OTP: variants seen among roughly 807,000 people sequenced by gnomAD.
The protein encoded by OTP is homeobox protein orthopedia.
In OTP, 5 loss-of-function variants were observed where a neutral mutation model predicts 22.3. The observed-to-expected ratio is 0.22, with a 90% CI of 0.12 to 0.47. The LOEUF is 0.47. OTP is among the 20% of genes least tolerant of loss of function. The pLI is 0.99. For synonymous variants in OTP, 229 were observed against 210.6 expected (o/e 1.09, Z -0.76); for missense variants, 428 against 456.2 (o/e 0.94, Z 0.56).
rs2112365531 is a variant in OTP at position 77,630,192 on chromosome 5, T to C, written c.*72A>G. 9.5e-7 allele frequency: 1 copy of C among 1,055,686 alleles called. No individual in the cohort carries two copies. The highest frequency in any genetic ancestry group is 3.4e-5 in the East Asian group (1 of 29,492). 65.4% of individuals were successfully genotyped at this position (1,055,686 alleles called of 1,614,324 possible). A position where few individuals can be genotyped will look rare whatever the true frequency, so the allele number is the denominator to read the frequency against. On this transcript the variant is annotated 3_prime_UTR_variant, in exon 3 of 3. Transcript: ENST00000306422. ...ACGGGGCAGGGCGCCGGGGTCCGGG[T>C]GCGCGCCGGAAGGGCCTCGGGGCGG...
chr5:77,638,607 T>C lies in OTP; in HGVS notation c.-58A>G, dbSNP rs1745049470. ...CCCAAATTTTAGCGGCTTTAAGTTA[T>C]TTAAAATAGATATAAGCTATAAGCT... On this transcript the variant is annotated 5_prime_UTR_variant, in exon 1 of 3. Coordinates refer to ENST00000306422, the MANE Select transcript of OTP (RefSeq NM_032109.3). The C allele has an allele frequency of 6.9e-7, 1 of 1,456,448 alleles. No individual in the cohort carries two copies. Among genetic ancestry groups the C allele is most frequent in the South Asian group, 1.3e-5 (1 of 74,446 alleles). The allele number at this position is 1,456,448 out of a possible 1,614,324, so 90.2% of individuals were successfully genotyped here. A position where few individuals can be genotyped will look rare whatever the true frequency, so the allele number is the denominator to read the frequency against.
chr5:77,637,239 G>A lies in OTP; in HGVS notation c.38-9C>T. ...GGCGGCATCTTTCATACCTGAGGAG[G>A]CAAGGGGATCGCGGTCACTACTTTC... On this transcript the variant is annotated splice_polypyrimidine_tract_variant and intron_variant, in intron 1 of 2. Coordinates refer to ENST00000306422, the MANE Select transcript of OTP (RefSeq NM_032109.3). 1 of 1,483,398 alleles carries A rather than the reference G, an allele frequency of 6.7e-7. No individual in the cohort carries two copies. Among genetic ancestry groups the A allele is most frequent in the Non-Finnish European group, 9.0e-7 (1 of 1,117,190 alleles). The allele number at this position is 1,483,398 out of a possible 1,614,324, so 91.9% of individuals were successfully genotyped here.
chr5:77,634,824 A>G (rs58453344), intron 2 of OTP, among the ~76,000 whole-genome samples: 2,086 of 152,332 alleles, frequency 0.014, 42 homozygotes, highest in African/African-American at 0.047. Context: ...TTGCCATTCT[A>G]TTAAATTGTG....
At position 77,630,090 on chromosome 5, in the gene OTP, C is replaced by T; in HGVS notation, c.*174G>A. The T allele has an allele frequency of 3.3e-6, 1 of 306,442 alleles. No homozygotes were observed. Among genetic ancestry groups the T allele is most frequent in the Non-Finnish European group, 5.7e-6 (1 of 174,622 alleles). The allele number at this position is 306,442 out of a possible 1,614,324, so 19.0% of individuals were successfully genotyped here. A position where few individuals can be genotyped will look rare whatever the true frequency, so the allele number is the denominator to read the frequency against. On this transcript the variant is annotated 3_prime_UTR_variant, in exon 3 of 3. Coordinates refer to ENST00000306422, the MANE Select transcript of OTP (RefSeq NM_032109.3). ...TCAGGCGGAGGGGAGGCCTCGCGGGCTGGGGCTTGGGGTGAGCCCGAGCGA... is the reference window on the plus strand; with the variant it reads ...TCAGGCGGAGGGGAGGCCTCGCGGGTTGGGGCTTGGGGTGAGCCCGAGCGA...
intron 2 of OTP, among the ~76,000 whole-genome samples, chr5:77,632,512 G>A (rs1240032320): frequency 1.3e-5 from 2 of 151,964 alleles, no homozygotes; most frequent in African/African-American, 4.8e-5. Flanking sequence ...AGTATCAGGG[G>A]TATGGACATA....
intron 2 of OTP, among the ~76,000 whole-genome samples, chr5:77,632,247 C>G (rs561361180): frequency 3.9e-5 from 6 of 152,120 alleles, no homozygotes; most frequent in Non-Finnish European, 2.9e-5. Flanking sequence ...ACTCCCATCT[C>G]CCCCTATTTG....
In OTP at chr5:77,637,058, C is replaced by A. The variant is rs141172285; in HGVS notation, c.210G>T (p.Pro70=). ...CTTTGGCGCTCACCGCCAGCGAGGC[C>A]GGAGTAGAGCCCACTGTGGTGATGT... is the stretch of plus-strand genomic sequence containing the variant. The part of the protein sequence containing the change: ...GEDITTVGST[P]ASLAVSAKDP... The change falls in exon 2 of 3, where the codon CCG becomes CCT. Residue 70 remains proline (P), a synonymous_variant. Transcript: ENST00000306422. The A allele has an allele frequency of 2.3e-5, 37 of 1,613,018 alleles. No homozygotes were observed. In the African/African-American group the frequency reaches 4.4e-4, roughly 19 times the overall value.
chr5:77,637,079 G>T lies in OTP; in HGVS notation c.189C>A (p.Ile63=), dbSNP rs1745020716. ...AGGCCGGAGTAGAGCCCACTGTGGT[G>T]ATGTCCTCCCCGGGCAGCAGAGTGG... The part of the protein sequence containing the change: ...EGATLLPGED[I]TTVGSTPASL... The change falls in exon 2 of 3, where the codon ATC becomes ATA. Residue 63 remains isoleucine, a synonymous_variant. Transcript: ENST00000306422. 1.9e-6 allele frequency: 3 copies of T among 1,613,274 alleles called. No individual in the cohort carries two copies. Among genetic ancestry groups the T allele is most frequent in the African/African-American group, 2.7e-5 (2 of 74,930 alleles).
chr5:77,636,829 G>C lies in OTP; in HGVS notation c.439C>G (p.Arg147Gly). The change falls in exon 2 of 3, where the codon CGA becomes GGA. Residue 147 changes from arginine to glycine, a missense_variant. Transcript: ENST00000306422. ...LALRIGLTES[R>G]VQVWFQNRRA... ...TCCCAAGCCCCTCGTACCTGCACTC[G>C]GGACTCGGTCAGCCCGATACGCAGT... The C allele has an allele frequency of 1.2e-6, 2 of 1,609,588 alleles. No individual in the cohort carries two copies. The highest frequency in any genetic ancestry group is 1.7e-6 in the Non-Finnish European group (2 of 1,177,086).
rs560364591 is a variant in OTP, at chr5:77,629,880, G to A, written c.*384C>T. 1.0e-3 allele frequency: 180 copies of A among 174,046 alleles called. No individual in the cohort carries two copies. Among genetic ancestry groups the A allele is most frequent in the African/African-American group, 4.0e-3 (167 of 41,736 alleles). The allele number at this position is 174,046 out of a possible 1,614,324, so 10.8% of individuals were successfully genotyped here. ...CGAGGGGGGTCGTAGGCGTCGCGTC[G>A]AAGGTGTGGGTGGGAACGCCGCCCG... On this transcript the variant is annotated 3_prime_UTR_variant, in exon 3 of 3. Transcript: ENST00000306422.
At chr5:77,631,492 C>A (rs1465857336) in intron 2 of OTP, among the ~76,000 whole-genome samples, 1 of 151,220 alleles carries the variant, frequency 6.6e-6, no homozygotes, top group Admixed American at 6.6e-5. Context: ...CTATGGACAC[C>A]TTTGTCTGGG....
At chr5:77,631,386 C>T (rs546464618) in intron 2 of OTP, among the ~76,000 whole-genome samples, 14 of 152,180 alleles carry the variant, frequency 9.2e-5, no homozygotes, top group African/African-American at 2.6e-4. Flanking sequence ...CGCCACTGAG[C>T]TACAGTGTTG....
Position 77,630,204 on chromosome 5 carries a change from G to C in OTP, c.*60C>G, listed in dbSNP as rs1054607436. On this transcript the variant is annotated 3_prime_UTR_variant, in exon 3 of 3. Coordinates refer to ENST00000306422, the MANE Select transcript of OTP (RefSeq NM_032109.3). ...GCCGGGGTCCGGGTGCGCGCCGGAA[G>C]GGCCTCGGGGCGGCCCCCGGGGCGG... The C allele has an allele frequency of 3.8e-5, 45 of 1,189,188 alleles. No homozygotes were observed. The highest frequency in any genetic ancestry group is 1.2e-5 in the Non-Finnish European group (11 of 930,972). 73.7% of individuals were successfully genotyped at this position (1,189,188 alleles called of 1,614,324 possible).
In OTP at chr5:77,630,021, G is replaced by A; in HGVS notation, c.*243C>T. ...GCCGAGGGCGCAGCTGGGTGGGAAG[G>A]GAAGAGGGGCGGCCGGGAGACGGGG... On this transcript the variant is annotated 3_prime_UTR_variant, in exon 3 of 3. Transcript: ENST00000306422. 1 of 244,594 alleles carries A rather than the reference G, an allele frequency of 4.1e-6. No individual in the cohort carries two copies. The highest frequency in any genetic ancestry group is 7.8e-6 in the Non-Finnish European group (1 of 128,746). 15.2% of individuals were successfully genotyped at this position (244,594 alleles called of 1,614,324 possible). A position where few individuals can be genotyped will look rare whatever the true frequency, so the allele number is the denominator to read the frequency against.
chr5:77,635,910 A>AC (rs1191326918), intron 2 of OTP: 2 of 132,720 alleles, frequency 1.5e-5, no homozygotes, highest in East Asian at 2.1e-4. Context: ...TTAAAAAACA[A>AC]AAAAAAAAAA....
chr5:77,638,144 C>T (rs1745038309), intron 1 of OTP, among the ~76,000 whole-genome samples: 1 of 141,354 alleles, frequency 7.1e-6, no homozygotes, highest in Non-Finnish European at 1.5e-5. Flanking sequence ...GAGAGAGAAA[C>T]GGGGGGAGGG....
At position 77,630,233 on chromosome 5, in the gene OTP, TG is replaced by T. The variant is rs1391654691; in HGVS notation, c.*30del. 5.5e-6 allele frequency: 8 copies of T among 1,452,428 alleles called. No individual in the cohort carries two copies. Among genetic ancestry groups the T allele is most frequent in the Non-Finnish European group, 5.4e-6 (6 of 1,101,382 alleles). The allele number at this position is 1,452,428 out of a possible 1,614,324, so 90.0% of individuals were successfully genotyped here. A position where few individuals can be genotyped will look rare whatever the true frequency, so the allele number is the denominator to read the frequency against. Reference sequence around the variant, plus strand: ...CTCGGGGCGGCCCCCGGGGCGGTGCTGGGGGCGGAGCGGGCCGGGGCGCGGC... The same window carrying T: ...CTCGGGGCGGCCCCCGGGGCGGTGCTGGGGCGGAGCGGGCCGGGGCGCGGC... On this transcript the variant is annotated 3_prime_UTR_variant, in exon 3 of 3. Transcript: ENST00000306422.
rs1265516456 is a variant in OTP at position 77,630,255 on chromosome 5, G to T, written c.*9C>A. ...TGCTGGGGGCGGAGCGGGCCGGGGC[G>T]CGGCTGCATTAAGTGAAGCTCATAG... On this transcript the variant is annotated 3_prime_UTR_variant, in exon 3 of 3. Transcript: ENST00000306422. 1.2e-5 allele frequency: 18 copies of T among 1,503,208 alleles called. No individual in the cohort carries two copies. Among genetic ancestry groups the T allele is most frequent in the Non-Finnish European group, 1.5e-5 (17 of 1,129,990 alleles). The allele number at this position is 1,503,208 out of a possible 1,614,324, so 93.1% of individuals were successfully genotyped here.
Position 77,630,610 on chromosome 5 carries a change from G to A in OTP, c.632C>T (p.Ala211Val), listed in dbSNP as rs1744913755. 1 of 1,552,094 alleles carries A rather than the reference G, an allele frequency of 6.4e-7. No individual in the cohort carries two copies. The highest frequency in any genetic ancestry group is 2.4e-5 in the East Asian group (1 of 41,738). ...CTGTGACACGCCAGGCATGGCGGCC[G>A]CCGCCCAGCGGGTGTCGTTGGCGTG... is the stretch of plus-strand genomic sequence containing the variant. ...SFHANDTRWA[A>V]AAMPGVSQLP... is the part of the protein sequence containing the mutation. The change falls in exon 3 of 3, where the codon GCG (alanine) becomes GTG (valine). Residue 211 changes from alanine (A) to valine (V), a missense_variant. Physicochemically the swap from Ala to Val is moderately conservative, Grantham distance 64 (BLOSUM62 0). Transcript: ENST00000306422.
Sources: gnomAD v4.1 joint callset for allele counts (sites outside exome capture counted in the v4.1 genomes callset) on GRCh38, gnomAD v4.1.1 for gene constraint, MANE v1.5 for transcripts, NCBI Gene and HGNC (gene_info 2026-07-23, HGNC 2026-07-21) for gene names.